MGAM: variants seen among roughly 807,000 people sequenced by gnomAD.
MGAM encodes the protein maltase-glucoamylase.
MGAM carries 253 observed loss-of-function variants against 358.8 expected under a neutral mutation model. The ratio of observed to expected loss-of-function variants is 0.71; its 90% CI spans 0.64 to 0.78. The LOEUF (loss-of-function observed/expected upper bound fraction) is 0.78. MGAM is among the 30% of genes least tolerant of loss of function. MGAM has a pLI of 0.00. For synonymous variants in MGAM, 1,105 were observed against 1,227.1 expected, an observed-to-expected ratio of 0.90 and a Z score of 2.08; for missense variants, 3,080 against 3,432.6, an observed-to-expected ratio of 0.90 and a Z score of 2.57.
intron 65 of MGAM, 60 bp downstream of exon 65, chr7:142,096,475 C>T (rs535224723): frequency 6.6e-5 from 103 of 1,553,146 alleles, no homozygotes; most frequent in South Asian, 5.7e-4. Flanking sequence ...GGGAAAAGGA[C>T]GAGGAGAAGA....
rs546204553 is a variant in MGAM, at chr7:142,105,173, A to G, written c.8185-641A>G. Among the ~76,000 whole-genome samples the G allele has an allele frequency of 3.9e-5, 6 of 152,320 alleles. No individual in the cohort carries two copies. In the South Asian group the frequency reaches 1.2e-3, roughly 32 times the overall value. On this transcript the variant is annotated intron_variant, in intron 70 of 70. Transcript: ENST00000475668. ...GCAAACACTGGGGTGCTATAGTGGA[A>G]TAGGAGAAGGAGGAAACAGAAGGAT... is the stretch of plus-strand genomic sequence containing the variant.
intron 21 of MGAM, among the ~76,000 whole-genome samples, chr7:142,042,093 A>AATATATACATATAATATATAATATATAAT (rs1563146098): frequency 2.6e-5 from 2 of 77,370 alleles, no homozygotes; most frequent in Admixed American, 2.2e-4. Flanking sequence ...TATAACATAT[A>AATATATACATATAATATATAATATATAAT]ATATATACAT....
At chr7:142,096,195 C>G (rs1468105077) in intron 64 of MGAM, 136 bp from the exon 65 acceptor site, 1 of 860,306 alleles carries the variant, frequency 1.2e-6, no homozygotes, top group Non-Finnish European at 1.9e-6. Context: ...CCTGATGAAG[C>G]TAGGCCTAGG....
rs1808038899 is a variant in MGAM at position 142,036,863 on chromosome 7, T to G, written c.2117T>G (p.Leu706Trp). 6.2e-7 allele frequency: 1 copy of G among 1,613,558 alleles called. No homozygotes were observed. The highest frequency in any genetic ancestry group is 8.5e-7 in the Non-Finnish European group (1 of 1,179,628). ...PASFGADSLL[L>W]NSSRHYLNIR... ...TCCTTTGGAGCTGACTCCCTGCTGT[T>G]GAATTCCTCCAGGCACTACCTTAAC... The change falls in exon 18 of 71, where the codon TTG becomes TGG. Residue 706 changes from leucine to tryptophan, a missense_variant. This residue lies in a region of MGAM where 1,816 missense variants were observed against 1,840.5 expected (regional missense o/e 0.99). Coordinates refer to ENST00000475668, the MANE Select transcript of MGAM (RefSeq NM_001365693.1).
At chr7:142,039,625 T>A (rs114886371) in intron 19 of MGAM, among the ~76,000 whole-genome samples, 3 of 152,098 alleles carry the variant, frequency 2.0e-5, no homozygotes, top group Non-Finnish European at 4.4e-5. Flanking sequence ...TGGATTCTCA[T>A]AGCAGATCCT....
chr7:142,040,232 C>A, intron 20 of MGAM, 61 bp downstream of exon 20: 2 of 1,332,590 alleles, frequency 1.5e-6, no homozygotes, highest in Non-Finnish European at 2.1e-6. Context: ...CATAGACAAG[C>A]TACCTTTCTG....
rs534646142 is a variant in MGAM at position 142,086,083 on chromosome 7, A to AT, written c.6636+125dup. On this transcript the variant is annotated intron_variant, in intron 55 of 70. Coordinates refer to ENST00000475668, the MANE Select transcript of MGAM (RefSeq NM_001365693.1). ...AATTGAAGTGTAGTAAGAAATGTGTATTTCCCTGGACTCACAGAAACTCTA... is the reference window on the plus strand; with the variant it reads ...AATTGAAGTGTAGTAAGAAATGTGTATTTTCCCTGGACTCACAGAAACTCTA... The AT allele has an allele frequency of 4.1e-6, 6 of 1,460,990 alleles. 1 individual carries two copies. The South Asian group carries it at 7.6e-5, about 19-fold the overall frequency. 90.5% of individuals were successfully genotyped at this position (1,460,990 alleles called of 1,614,324 possible). A position where few individuals can be genotyped will look rare whatever the true frequency, so the allele number is the denominator to read the frequency against.
chr7:142,100,486 C>A (rs957075174), intron 67 of MGAM, among the ~76,000 whole-genome samples: 2 of 152,136 alleles, frequency 1.3e-5, no homozygotes, highest in African/African-American at 4.8e-5. Flanking sequence ...GATATTAGGT[C>A]ACGAAAACAG....
chr7:142,022,172 A>G (rs1806524382), intron 6 of MGAM, 96 bp from the exon 7 acceptor site: 2 of 1,152,010 alleles, frequency 1.7e-6, no homozygotes, highest in Admixed American at 2.5e-5. Context: ...AATGGGGGCT[A>G]TTGAGTCACT....
At chr7:142,021,500 C>A in intron 5 of MGAM, 86 bp from the exon 6 acceptor site, 2 of 1,341,380 alleles carry the variant, frequency 1.5e-6, no homozygotes, top group Non-Finnish European at 2.1e-6. Context: ...TTGATCAGTG[C>A]CTGATTCCAG....
chr7:142,032,761 C>A (rs1217194241), intron 13 of MGAM, 64 bp from the exon 14 acceptor site: 1 of 938,406 alleles, frequency 1.1e-6, no homozygotes, highest in Non-Finnish European at 1.6e-6. Flanking sequence ...AAAAAAGACA[C>A]CATCACGACA....
chr7:142,097,450 G>A (rs577863658), intron 65 of MGAM, 143 bp from the exon 66 acceptor site: 1 of 741,934 alleles, frequency 1.3e-6, no homozygotes, highest in African/African-American at 1.8e-5. Flanking sequence ...GGGATGGAAG[G>A]TTTCCTCAAT....
At chr7:142,084,478 G>T (rs756145147) in intron 53 of MGAM, 41 bp from the exon 54 acceptor site, 1 of 1,538,074 alleles carries the variant, frequency 6.5e-7, no homozygotes, top group Non-Finnish European at 8.9e-7. Context: ...TCAATCTGGT[G>T]TCTCTGTTCT....
chr7:142,042,968 A>G (rs1488463086), intron 21 of MGAM, among the ~76,000 whole-genome samples: 1 of 72,664 alleles, frequency 1.4e-5, no homozygotes, highest in Non-Finnish European at 2.3e-5. Context: ...TATAATATCT[A>G]AATATAATAT....
chr7:142,095,448 T>C (rs1815813880), intron 63 of MGAM, 117 bp from the exon 64 acceptor site: 2 of 1,423,476 alleles, frequency 1.4e-6, no homozygotes, highest in East Asian at 2.4e-5. Context: ...GCCTCATGTG[T>C]AGTTTTCTTT....
chr7:142,071,255 T>A, intron 44 of MGAM, 137 bp downstream of exon 44: 1 of 1,133,216 alleles, frequency 8.8e-7, no homozygotes. Context: ...TGTTTTGTTG[T>A]TTGTGTGTTA....
At chr7:142,018,226 A>G (rs1806121939) in intron 3 of MGAM, among the ~76,000 whole-genome samples, 1 of 152,144 alleles carries the variant, frequency 6.6e-6, no homozygotes, top group African/African-American at 2.4e-5. Context: ...AAGCTCACTC[A>G]TGCAATTGTT....
chr7:142,043,437 TATA>T (rs1442614204), intron 21 of MGAM, among the ~76,000 whole-genome samples: 445 of 18,116 alleles, frequency 0.025, no homozygotes, highest in African/African-American at 0.056. Flanking sequence ...TATATATACA[TATA>T]ATATCTAAAT....
Position 142,021,694 on chromosome 7 carries a change from C to A in MGAM, c.667C>A (p.Pro223Thr). ...LTYQVEISRQPFSIKVTRRSN... is the reference protein window; with the variant it reads ...LTYQVEISRQTFSIKVTRRSN... ...CTACCAAGTTGAAATCTCCAGACAGCCATTTAGCATCAAAGTGACCAGAAG... is the reference window on the plus strand; with the variant it reads ...CTACCAAGTTGAAATCTCCAGACAGACATTTAGCATCAAAGTGACCAGAAG... The change falls in exon 6 of 71, where the codon CCA becomes ACA. Residue 223 changes from proline to threonine, a missense_variant. This residue lies in a region of MGAM where 1,816 missense variants were observed against 1,840.5 expected (regional missense o/e 0.99). Transcript: ENST00000475668. 1 of 1,613,880 alleles carries A rather than the reference C, an allele frequency of 6.2e-7. No homozygotes were observed. Among genetic ancestry groups the A allele is most frequent in the East Asian group, 2.2e-5 (1 of 44,872 alleles).
Sources: allele counts gnomAD v4.1 joint callset (sites outside exome capture counted in the v4.1 genomes callset), GRCh38; gene constraint gnomAD v4.1.1; regional missense constraint gnomAD v4.1.1; transcripts MANE v1.5; gene names NCBI Gene and HGNC (gene_info 2026-07-23, HGNC 2026-07-21).